Variants in INPP4B observed in about 807,000 individuals in gnomAD.
INPP4B encodes inositol polyphosphate 4-phosphatase type II.
Under a neutral mutation model 122.5 loss-of-function variants are expected in INPP4B, and 55 were observed. That is an observed-to-expected ratio of 0.45 (90% confidence interval 0.36 to 0.56). The LOEUF is 0.56. Ranked by LOEUF, INPP4B falls within the 20% of genes least tolerant of loss-of-function variation. INPP4B has a pLI of 0.00. For missense variants in INPP4B, 1,000 were observed against 1,097.7 expected (o/e 0.91, Z 1.26); for synonymous variants, 403 against 388.7 (o/e 1.04, Z -0.43).
At chr4:142,635,098 AT>A (rs1455843085) in intron 2 of INPP4B, among the ~76,000 whole-genome samples, 2 of 152,152 alleles carry the variant, frequency 1.3e-5, no homozygotes, top group Non-Finnish European at 2.9e-5. Flanking sequence ...CAACAAACAT[AT>A]GGAAAAAAGC....
chr4:142,735,056 C>A (rs952585034), intron 1 of INPP4B, among the ~76,000 whole-genome samples: 2 of 152,130 alleles, frequency 1.3e-5, no homozygotes, highest in African/African-American at 4.8e-5. Flanking sequence ...GGAGAACCGA[C>A]GTTTCAGGGC....
chr4:142,832,177 T>C (rs1782227461), intron 1 of INPP4B, among the ~76,000 whole-genome samples: 3 of 152,148 alleles, frequency 2.0e-5, no homozygotes, highest in Admixed American at 2.0e-4. Flanking sequence ...AATTCAGTGA[T>C]GAGTAAAATT....
In INPP4B at chr4:142,541,588, C is replaced by T. The variant is rs571536100; in HGVS notation, c.-190-78862G>A. 2.0e-5 allele frequency among the ~76,000 whole-genome samples: 3 copies of T among 152,316 alleles called. No individual in the cohort carries two copies. In the East Asian group the frequency reaches 5.8e-4, roughly 29 times the overall value. On this transcript the variant is annotated intron_variant, in intron 2 of 25. Coordinates refer to ENST00000262992, the MANE Select transcript of INPP4B (RefSeq NM_001101669.3). ...ACAACTCCAAATCTACCCTTCAATG[C>T]TTGCTTTGCAGAAATGAAGCTGAGC...
chr4:142,597,178 A>G (rs1489932006), intron 2 of INPP4B, among the ~76,000 whole-genome samples: 1 of 152,202 alleles, frequency 6.6e-6, no homozygotes, highest in African/African-American at 2.4e-5. Context: ...GGACTATCTT[A>G]CCCCCGGAAC....
At chr4:142,373,068 G>T (rs1790496692) in intron 7 of INPP4B, among the ~76,000 whole-genome samples, 1 of 151,998 alleles carries the variant, frequency 6.6e-6, no homozygotes, top group South Asian at 2.1e-4. Flanking sequence ...TGCCAGAATA[G>T]AAATCAGTCT....
intron 2 of INPP4B, among the ~76,000 whole-genome samples, chr4:142,720,428 T>TC (rs1764369963): frequency 1.3e-5 from 2 of 151,992 alleles, no homozygotes; most frequent in African/African-American, 2.4e-5. Context: ...GGGGTATGGT[T>TC]CCAGGTTTCC....
At position 142,298,271 on chromosome 4, in the gene INPP4B, C is replaced by T. The variant is rs184880581; in HGVS notation, c.503+7187G>A. On this transcript the variant is annotated intron_variant, in intron 9 of 25. Coordinates refer to ENST00000262992, the MANE Select transcript of INPP4B (RefSeq NM_001101669.3). ...TAAAACTTGAGATACAATAGAAATA[C>T]TTTTCTAACACTAGACCTGTCTGAA... Among the ~76,000 whole-genome samples the T allele has an allele frequency of 5.3e-3, 810 of 152,224 alleles. 2 individuals are homozygous for T. The highest frequency in any genetic ancestry group is 9.0e-3 in the Non-Finnish European group (614 of 67,990).
At chr4:142,290,829 G>A (rs1756144939) in intron 9 of INPP4B, among the ~76,000 whole-genome samples, 1 of 152,096 alleles carries the variant, frequency 6.6e-6, no homozygotes, top group African/African-American at 2.4e-5. Flanking sequence ...CCTGGAGCTG[G>A]ATATTTATTT....
intron 16 of INPP4B, among the ~76,000 whole-genome samples, chr4:142,161,107 C>T (rs1201826739): frequency 6.6e-6 from 1 of 151,866 alleles, no homozygotes; most frequent in Non-Finnish European, 1.5e-5. Flanking sequence ...CATAGGCAGA[C>T]TTCTTCATGA....
intron 7 of INPP4B, among the ~76,000 whole-genome samples, chr4:142,369,118 AG>A (rs1197274703): frequency 2.0e-5 from 3 of 152,114 alleles, no homozygotes; most frequent in Middle Eastern, 3.2e-3. Flanking sequence ...TAAAGTATCC[AG>A]GGGTTACACT....
chr4:142,423,529 T>G (rs551444489), intron 5 of INPP4B, among the ~76,000 whole-genome samples: 9 of 152,070 alleles, frequency 5.9e-5, no homozygotes, highest in Non-Finnish European at 1.0e-4. Flanking sequence ...ATCAGCTCTC[T>G]CCTGGACAAA....
At chr4:142,565,951 ATAAG>A (rs1731527592) in intron 2 of INPP4B, 1 of 152,226 alleles carries the variant, frequency 6.6e-6, no homozygotes, top group Non-Finnish European at 1.5e-5. Context: ...TCGACCTAGT[ATAAG>A]AGACACACCA....
intron 5 of INPP4B, among the ~76,000 whole-genome samples, chr4:142,421,043 T>C (rs76657120): frequency 0.028 from 4,261 of 152,204 alleles, 193 homozygotes; most frequent in African/African-American, 0.097. Context: ...TTCAGAAACA[T>C]TGGGCTATTT....
At chr4:142,845,139 A>G (rs1784029318) in intron 1 of INPP4B, among the ~76,000 whole-genome samples, 1 of 152,184 alleles carries the variant, frequency 6.6e-6, no homozygotes, top group South Asian at 2.1e-4. Flanking sequence ...GGGTTTTTCC[A>G]GTAAGTTTTG....
intron 8 of INPP4B, among the ~76,000 whole-genome samples, chr4:142,311,606 G>A (rs1765539017): frequency 1.3e-5 from 2 of 152,142 alleles, no homozygotes; most frequent in African/African-American, 4.8e-5. Flanking sequence ...TCTAGCAGGA[G>A]TGTGGAGACA....
intron 11 of INPP4B, among the ~76,000 whole-genome samples, chr4:142,256,783 G>A (rs1736391115): frequency 6.6e-6 from 1 of 152,176 alleles, no homozygotes; most frequent in Admixed American, 6.5e-5. Flanking sequence ...TGTACAAGGA[G>A]GAACTGGTAC....
rs191134055 is a variant in INPP4B, at chr4:142,378,046, A to G, written c.372+24892T>C. 2.6e-3 allele frequency among the ~76,000 whole-genome samples: 392 copies of G among 152,270 alleles called. 5 individuals are homozygous for G. The highest frequency in any genetic ancestry group is 8.7e-3 in the African/African-American group (360 of 41,574). On this transcript the variant is annotated intron_variant, in intron 7 of 25. Transcript: ENST00000262992. Reference sequence around the variant, plus strand: ...AAAATATCTGTAGTAAATAATGCTGATAATTGCACTACTATTGTATTTCCT... The same window carrying G: ...AAAATATCTGTAGTAAATAATGCTGGTAATTGCACTACTATTGTATTTCCT...
chr4:142,262,426 T>C (rs1441101149), intron 10 of INPP4B, among the ~76,000 whole-genome samples: 2 of 152,194 alleles, frequency 1.3e-5, no homozygotes, highest in African/African-American at 4.8e-5. Context: ...TCCTGACATA[T>C]ATCCCCATCT....
chr4:142,645,415 A>G (rs1751531765), intron 2 of INPP4B, among the ~76,000 whole-genome samples: 1 of 152,168 alleles, frequency 6.6e-6, no homozygotes, highest in Admixed American at 6.5e-5. Context: ...TTTTTCTTTT[A>G]GTATAAAACC....
Sources: gnomAD v4.1 joint callset for allele counts (sites outside exome capture counted in the v4.1 genomes callset) on GRCh38, gnomAD v4.1.1 for gene constraint, MANE v1.5 for transcripts, NCBI Gene and HGNC (gene_info 2026-07-23, HGNC 2026-07-21) for gene names.